NRG3: variants seen among roughly 807,000 people sequenced by gnomAD.
NRG3 encodes the protein neuregulin 3.
Under a neutral mutation model 66.9 loss-of-function variants are expected in NRG3, and 31 were observed. The observed-to-expected ratio is 0.46, with a 90% CI of 0.35 to 0.63. NRG3 has a LOEUF of 0.63. NRG3 is among the 20% of genes least tolerant of loss of function. NRG3 has a pLI of 0.00. For synonymous variants in NRG3, 393 were observed against 359.4 expected (o/e 1.09, Z -1.06); for missense variants, 910 against 878.9 (o/e 1.04, Z -0.45).
At chr10:82,915,240 T>C (rs1366353919) in intron 4 of NRG3, among the ~76,000 whole-genome samples, 1 of 152,242 alleles carries the variant, frequency 6.6e-6, no homozygotes, top group Non-Finnish European at 1.5e-5. Context: ...CAGTTTGCCC[T>C]GTGACTTCCA....
At chr10:82,674,769 G>A (rs1006435026) in intron 2 of NRG3, among the ~76,000 whole-genome samples, 14 of 144,522 alleles carry the variant, frequency 9.7e-5, no homozygotes, top group African/African-American at 2.1e-4. Flanking sequence ...CCCACCTGCC[G>A]TAATGAATTC....
chr10:82,527,065 A>G (rs1846772557), intron 2 of NRG3, among the ~76,000 whole-genome samples: 1 of 152,104 alleles, frequency 6.6e-6, no homozygotes, highest in Non-Finnish European at 1.5e-5. Flanking sequence ...CTTTTAGGGC[A>G]TATATTCAGG....
intron 3 of NRG3, among the ~76,000 whole-genome samples, chr10:82,741,600 A>C (rs2058427052): frequency 6.6e-6 from 1 of 152,156 alleles, no homozygotes; most frequent in Non-Finnish European, 1.5e-5. Flanking sequence ...AAACCCTCAC[A>C]ATCACAGTTT....
intron 1 of NRG3, among the ~76,000 whole-genome samples, chr10:82,105,595 ATTTG>A (rs2067009326): frequency 6.6e-6 from 1 of 152,142 alleles, no homozygotes; most frequent in African/African-American, 2.4e-5. Context: ...TTTGACATTT[ATTTG>A]TTTGTTTGCT....
intron 1 of NRG3, among the ~76,000 whole-genome samples, chr10:82,333,560 A>G (rs572323275): frequency 2.0e-4 from 31 of 152,170 alleles, no homozygotes; most frequent in Non-Finnish European, 4.1e-4. Context: ...TCCTTGTAGT[A>G]TGTCTTGTCA....
chr10:82,183,458 G>T (rs955880408), intron 1 of NRG3, among the ~76,000 whole-genome samples: 3 of 152,108 alleles, frequency 2.0e-5, no homozygotes, highest in African/African-American at 7.2e-5. Context: ...TTTCAGTTCA[G>T]TTATTGCATT....
In NRG3 at chr10:82,527,193, C is replaced by T. The variant is rs1231793380; in HGVS notation, c.953+168325C>T. ...TTACCAAAAAAAAAATTCTATACAA[C>T]AAATGGAGAAAATACAACATCTACA... On this transcript the variant is annotated intron_variant, in intron 2 of 8. Transcript: ENST00000372141. Among the ~76,000 whole-genome samples the T allele has an allele frequency of 4.0e-5, 6 of 151,210 alleles. 1 individual carries two copies. The highest frequency in any genetic ancestry group is 6.6e-5 in the Admixed American group (1 of 15,166).
chr10:81,896,216 A>G (rs1039084082), intron 1 of NRG3, among the ~76,000 whole-genome samples: 1 of 152,104 alleles, frequency 6.6e-6, no homozygotes, highest in East Asian at 1.9e-4. Flanking sequence ...TGCCCTTTCG[A>G]TATGATTGCT....
chr10:81,976,860 A>G (rs1449963367), intron 1 of NRG3, among the ~76,000 whole-genome samples: 2 of 152,204 alleles, frequency 1.3e-5, no homozygotes, highest in African/African-American at 4.8e-5. Context: ...AAGATGTTAC[A>G]CAAAATAAAA....
chr10:82,753,302 A>G (rs2134967849), intron 3 of NRG3, among the ~76,000 whole-genome samples: 1 of 151,980 alleles, frequency 6.6e-6, no homozygotes, highest in East Asian at 1.9e-4. Flanking sequence ...CTTTCCTGTG[A>G]AGTCTCTTTA....
intron 2 of NRG3, among the ~76,000 whole-genome samples, chr10:82,448,475 C>T (rs1044572818): frequency 2.6e-5 from 4 of 152,162 alleles, no homozygotes; most frequent in Admixed American, 1.3e-4. Flanking sequence ...GATAGTTAGG[C>T]ATGGTCTCTG....
At position 81,875,234 on chromosome 10, in the gene NRG3, G is replaced by T. The variant is rs1191168841; in HGVS notation, c.-107G>T. ...CGCCGCGGCCGCTGCCTGCGCCCGA[G>T]CCCGCCGCCGCCGCCGGAGCCCGCG... On this transcript the variant is annotated 5_prime_UTR_variant, in exon 1 of 9. Transcript: ENST00000372141. This position sits in a 1 kb window ranked among gnomAD's most constrained non-coding sequence, Gnocchi z 5.3. The T allele has an allele frequency of 9.6e-6, 6 of 623,474 alleles. No individual in the cohort carries two copies. In the African/African-American group the frequency reaches 1.2e-4, roughly 13 times the overall value. 38.6% of individuals were successfully genotyped at this position (623,474 alleles called of 1,614,324 possible).
intron 1 of NRG3, among the ~76,000 whole-genome samples, chr10:82,056,976 T>C (rs962456539): frequency 6.6e-6 from 1 of 152,158 alleles, no homozygotes; most frequent in Non-Finnish European, 1.5e-5. Context: ...CTGATTCTGA[T>C]CATTGTTATC....
rs550739364 is a variant in NRG3, at chr10:82,877,727, G to A, written c.1054+12290G>A. On this transcript the variant is annotated intron_variant, in intron 4 of 8. Coordinates refer to ENST00000372141, the MANE Select transcript of NRG3 (RefSeq NM_001010848.4). ...TTTTAAACCAATTATTGCAATTCTT[G>A]CAAAAAAGACTTAAATTGAAGTTTT... Among the ~76,000 whole-genome samples the A allele has an allele frequency of 9.2e-5, 14 of 151,990 alleles. 1 individual carries two copies. The South Asian group carries it at 2.9e-3, about 31-fold the overall frequency.
At chr10:82,658,416 T>C (rs1381903349) in intron 2 of NRG3, among the ~76,000 whole-genome samples, 1 of 152,182 alleles carries the variant, frequency 6.6e-6, no homozygotes, top group Admixed American at 6.5e-5. Flanking sequence ...GTAAATGGCA[T>C]TTATGAAAAA....
intron 2 of NRG3, among the ~76,000 whole-genome samples, chr10:82,371,377 C>T (rs1441281349): frequency 1.3e-5 from 2 of 152,128 alleles, no homozygotes; most frequent in African/African-American, 4.8e-5. Flanking sequence ...TATAGAATGG[C>T]ACTTTTTGTT....
chr10:82,344,243 A>G (rs1589785760), intron 1 of NRG3, among the ~76,000 whole-genome samples: 1 of 150,650 alleles, frequency 6.6e-6, no homozygotes, highest in African/African-American at 2.5e-5. Context: ...TCCCCAGAGT[A>G]TGATATTCCC....
intron 1 of NRG3, among the ~76,000 whole-genome samples, chr10:82,246,657 G>A (rs764545089): frequency 1.6e-4 from 24 of 152,130 alleles, no homozygotes; most frequent in Non-Finnish European, 3.2e-4. Context: ...ATATGTCTAA[G>A]AGGTCAAACA....
At chr10:82,460,935 G>A (rs2091483785) in intron 2 of NRG3, among the ~76,000 whole-genome samples, 1 of 152,118 alleles carries the variant, frequency 6.6e-6, no homozygotes. Context: ...TATCTGTGCT[G>A]TTTTTCACAT....
Sources: gnomAD v4.1 joint callset for allele counts (sites outside exome capture counted in the v4.1 genomes callset) on GRCh38, gnomAD v4.1.1 for gene constraint, Gnocchi (gnomAD v3.1) non-coding constraint, MANE v1.5 for transcripts, NCBI Gene and HGNC (gene_info 2026-07-23, HGNC 2026-07-21) for gene names.